Variants in LY6S observed in about 807,000 individuals in gnomAD.
The protein encoded by LY6S is lymphocyte antigen 6S.
the LY6S span, among the ~76,000 whole-genome samples, chr8:143,041,026 C>T: frequency 2.0e-5 from 3 of 152,116 alleles, no homozygotes; most frequent in Admixed American, 6.6e-5. Context: ...CAAACGGAGG[C>T]AGGGCGAGAT....
At chr8:143,042,871 GA>G in the LY6S span, 11 of 553,794 alleles carry the variant, frequency 2.0e-5, no homozygotes, top group South Asian at 1.2e-4. Context: ...GCCCAGCTCT[GA>G]AAAAAGTGGT....
At chr8:143,048,507 T>C in the LY6S span, among the ~76,000 whole-genome samples, 6 of 147,788 alleles carry the variant, frequency 4.1e-5, no homozygotes, top group African/African-American at 1.5e-4. Context: ...GAGTCTCTTT[T>C]GCCCAGGCTG....
the LY6S span, among the ~76,000 whole-genome samples, chr8:143,052,200 G>C: frequency 6.6e-6 from 1 of 151,850 alleles, no homozygotes; most frequent in Middle Eastern, 3.4e-3. Flanking sequence ...AGAATGGCGT[G>C]AACCCGGGAG....
the LY6S span, among the ~76,000 whole-genome samples, chr8:143,051,982 AAG>A: frequency 6.1e-5 from 9 of 147,404 alleles, no homozygotes; most frequent in Admixed American, 6.8e-5. Flanking sequence ...AAAAAAAAAA[AAG>A]AAAAGAAAAG....
At chr8:143,063,890 G>C in the LY6S span, among the ~76,000 whole-genome samples, 1 of 152,174 alleles carries the variant, frequency 6.6e-6, no homozygotes, top group Admixed American at 6.5e-5. Context: ...CAACTTTTCA[G>C]CTTCCTTTAA....
the LY6S span, among the ~76,000 whole-genome samples, chr8:143,071,898 G>A: frequency 6.6e-6 from 1 of 152,154 alleles, no homozygotes; most frequent in Non-Finnish European, 1.5e-5. Context: ...TTCTTCAGAA[G>A]AGGGTGTGCT....
chr8:143,043,491 G>A, the LY6S span, among the ~76,000 whole-genome samples: 2 of 152,152 alleles, frequency 1.3e-5, no homozygotes, highest in African/African-American at 2.4e-5. Context: ...TCACTTAGGG[G>A]ACGCTGAGGC....
chr8:143,059,196 A>G, the LY6S span, among the ~76,000 whole-genome samples: 36,360 of 151,916 alleles, frequency 0.24, 6,317 homozygotes, highest in African/African-American at 0.47. Flanking sequence ...ATGCGGCCAC[A>G]TCTTGTTATG....
chr8:143,057,698 A>T, the LY6S span: 2 of 822,834 alleles, frequency 2.4e-6, no homozygotes, highest in Non-Finnish European at 2.2e-6. Context: ...GCAAGCAGTA[A>T]GGCGTTGTTT....
At chr8:143,056,349 A>T in the LY6S span, among the ~76,000 whole-genome samples, 1 of 151,656 alleles carries the variant, frequency 6.6e-6, no homozygotes, top group Non-Finnish European at 1.5e-5. Flanking sequence ...AATTTCTGAC[A>T]TAAATCATAA....
chr8:143,073,439 T>C, the LY6S span, among the ~76,000 whole-genome samples: 418 of 79,908 alleles, frequency 5.2e-3, 8 homozygotes, highest in African/African-American at 0.022. Context: ...TCCTCGGGGT[T>C]CCTGTTTGAG....
chr8:143,070,485 A>ATTTTTTTTTTTTTTTTTT, the LY6S span, among the ~76,000 whole-genome samples: 4 of 84,832 alleles, frequency 4.7e-5, no homozygotes, highest in East Asian at 4.5e-4. Flanking sequence ...AAATATATAT[A>ATTTTTTTTTTTTTTTTTT]TATATTTTTT....
the LY6S span, chr8:143,042,281 A>C: frequency 6.6e-6 from 1 of 152,448 alleles, no homozygotes; most frequent in Non-Finnish European, 1.5e-5. Context: ...GACACGGGGC[A>C]TCATGGGAGC....
chr8:143,065,258 G>A, the LY6S span, among the ~76,000 whole-genome samples: 1 of 152,088 alleles, frequency 6.6e-6, no homozygotes, highest in Admixed American at 6.5e-5. Context: ...TTCTGAGGTG[G>A]GGCAGGAGAC....
At chr8:143,056,824 C>T in the LY6S span, among the ~76,000 whole-genome samples, 1 of 152,156 alleles carries the variant, frequency 6.6e-6, no homozygotes, top group Non-Finnish European at 1.5e-5. Context: ...AAAGTTCAGG[C>T]ATCGCTGATA....
the LY6S span, among the ~76,000 whole-genome samples, chr8:143,046,974 C>A: frequency 1.3e-5 from 2 of 151,946 alleles, no homozygotes; most frequent in African/African-American, 4.8e-5. Context: ...GTACTCCAGC[C>A]TGGGTGACAA....
the LY6S span, among the ~76,000 whole-genome samples, chr8:143,069,188 G>A: frequency 9.2e-5 from 14 of 152,302 alleles, no homozygotes; most frequent in East Asian, 1.2e-3. Context: ...GGGAACCAGA[G>A]CCCCTAGAAA....
At chr8:143,070,464 AATATATATATAAATATATATATATAT>A in the LY6S span, among the ~76,000 whole-genome samples, 35 of 34,212 alleles carry the variant, frequency 1.0e-3, 1 homozygote, top group African/African-American at 3.9e-3. Flanking sequence ...ATATATATAT[AATATATATATAAATATATATATATAT>A]TTTTTTTTTT....
At chr8:143,045,551 C>A in the LY6S span, among the ~76,000 whole-genome samples, 1 of 152,122 alleles carries the variant, frequency 6.6e-6, no homozygotes, top group Admixed American at 6.5e-5. The surrounding 1 kb of genome is among the most constrained non-coding windows in gnomAD (Gnocchi z 5.3). Flanking sequence ...TCCTCCCTCC[C>A]ATCCTTCCCT....
Sources: allele counts gnomAD v4.1 joint callset (sites outside exome capture counted in the v4.1 genomes callset), GRCh38; gene constraint gnomAD v4.1.1; non-coding constraint Gnocchi (gnomAD v3.1); transcripts MANE v1.5; gene names NCBI Gene and HGNC (gene_info 2026-07-23, HGNC 2026-07-21).